The following DDAH1 variants were observed in gnomAD, a reference collection of about 807,000 sequenced individuals.
DDAH1 encodes dimethylarginine dimethylaminohydrolase 1.
In DDAH1, 19 loss-of-function variants were observed where a neutral mutation model predicts 28.8. The ratio of observed to expected loss-of-function variants is 0.66; its 90% CI spans 0.46 to 0.97. DDAH1 has a LOEUF of 0.97. DDAH1 is among the 50% of genes least tolerant of loss of function. DDAH1 has a pLI of 0.00. For synonymous variants in DDAH1, 153 were observed against 154.4 expected, an observed-to-expected ratio of 0.99 and a Z score of 0.07; for missense variants, 326 against 375.9, an observed-to-expected ratio of 0.87 and a Z score of 1.10.
chr1:85,496,250 G>C (rs910000965), exon 2 of DDAH1: 15 of 984,788 alleles, frequency 1.5e-5, no homozygotes, highest in African/African-American at 1.7e-5. Flanking sequence ...CTTGGCCAAA[G>C]TTACCAGAGC....
intron 1 of DDAH1, among the ~76,000 whole-genome samples, chr1:85,395,327 A>C (rs947677867): frequency 5.9e-5 from 9 of 152,216 alleles, no homozygotes; most frequent in Non-Finnish European, 1.3e-4. Flanking sequence ...AAGATGAGGG[A>C]AAAAGAAAAG....
chr1:85,473,884 A>AC (rs1394966531), intron 2 of DDAH1, among the ~76,000 whole-genome samples: 1 of 152,040 alleles, frequency 6.6e-6, no homozygotes. Flanking sequence ...GACTTCAAAT[A>AC]CACCCCAGTG....
At chr1:85,380,637 T>C (rs1650936331) in intron 1 of DDAH1, 1 of 152,214 alleles carries the variant, frequency 6.6e-6, no homozygotes, top group South Asian at 2.1e-4. Flanking sequence ...GTCTCTTATT[T>C]ACAATTCTGA....
intron 1 of DDAH1, among the ~76,000 whole-genome samples, chr1:85,515,241 C>T (rs1182040712): frequency 8.0e-5 from 12 of 150,764 alleles, no homozygotes; most frequent in South Asian, 2.1e-4. Flanking sequence ...AAAAAAATTA[C>T]GAGTGTTTTT....
At chr1:85,414,429 C>G (rs1363477503) in intron 1 of DDAH1, among the ~76,000 whole-genome samples, 4 of 151,660 alleles carry the variant, frequency 2.6e-5, no homozygotes, top group African/African-American at 9.8e-5. Flanking sequence ...AAGGATCTGA[C>G]CACGTTAAAA....
At chr1:85,350,266 G>T in intron 4 of DDAH1, 149 bp downstream of exon 4, 2 of 970,646 alleles carry the variant, frequency 2.1e-6, no homozygotes, top group Non-Finnish European at 3.0e-6. Context: ...ATGAATGTGA[G>T]GTCACAACAG....
chr1:85,466,578 G>A (rs1655389821), upstream of DDAH1, among the ~76,000 whole-genome samples: 1 of 152,142 alleles, frequency 6.6e-6, no homozygotes, highest in South Asian at 2.1e-4. Flanking sequence ...GGACAGCTCT[G>A]ACACTGACAT....
intron 4 of DDAH1, among the ~76,000 whole-genome samples, chr1:85,332,809 G>A (rs1283503761): frequency 6.6e-6 from 1 of 152,190 alleles, no homozygotes; most frequent in Non-Finnish European, 1.5e-5. Flanking sequence ...CAATACTCCT[G>A]GAACTTGAGA....
At chr1:85,480,534 C>T (rs1655972004) in intron 2 of DDAH1, among the ~76,000 whole-genome samples, 2 of 152,088 alleles carry the variant, frequency 1.3e-5, no homozygotes, top group African/African-American at 2.4e-5. Context: ...CACCTGAGGA[C>T]AGGAGTTTGA....
At chr1:85,358,654 A>G in intron 2 of DDAH1, 94 bp downstream of exon 2, 1 of 1,041,118 alleles carries the variant, frequency 9.6e-7, no homozygotes, top group Non-Finnish European at 1.4e-6. Context: ...CTCAAAAACA[A>G]AAACAAAAAA....
chr1:85,336,183 T>C (rs1648107414), intron 4 of DDAH1, among the ~76,000 whole-genome samples: 2 of 152,040 alleles, frequency 1.3e-5, no homozygotes, highest in South Asian at 4.1e-4. Context: ...TTTCATCCAA[T>C]AGCTGCAGAA....
chr1:85,483,954 A>G (rs1006101279), intron 2 of DDAH1, among the ~76,000 whole-genome samples: 2 of 152,206 alleles, frequency 1.3e-5, no homozygotes, highest in Non-Finnish European at 2.9e-5. Context: ...TCTTAAAGAC[A>G]TGGTGCCTAA....
intron 1 of DDAH1, among the ~76,000 whole-genome samples, chr1:85,366,468 T>C (rs1650081491): frequency 6.6e-6 from 1 of 152,106 alleles, no homozygotes; most frequent in African/African-American, 2.4e-5. Context: ...AACCAAGATA[T>C]TTAGCATTTT....
chr1:85,329,445 C>A (rs1223745579), intron 4 of DDAH1, among the ~76,000 whole-genome samples: 4 of 152,164 alleles, frequency 2.6e-5, no homozygotes, highest in Non-Finnish European at 4.4e-5. Context: ...AATGCTTCTT[C>A]CTTTTCTGAG....
intron 1 of DDAH1, among the ~76,000 whole-genome samples, chr1:85,518,372 A>C (rs577622919): frequency 1.3e-5 from 2 of 152,326 alleles, no homozygotes; most frequent in African/African-American, 4.8e-5. Flanking sequence ...GTACAGTCTA[A>C]GAGAAAATCC....
intron 1 of DDAH1, among the ~76,000 whole-genome samples, chr1:85,407,891 C>T (rs538439496): frequency 3.3e-5 from 5 of 152,302 alleles, no homozygotes; most frequent in African/African-American, 4.8e-5. Flanking sequence ...CTTTTGGTTA[C>T]ATCTATCATT....
At chr1:85,441,530 A>AC (rs1654193901) in intron 1 of DDAH1, among the ~76,000 whole-genome samples, 1 of 96,320 alleles carries the variant, frequency 1.0e-5, no homozygotes, top group Non-Finnish European at 2.2e-5. Context: ...ACAGAGTAAG[A>AC]CCCCATCTCA....
intron 1 of DDAH1, among the ~76,000 whole-genome samples, chr1:85,421,296 G>T (rs959975067): frequency 2.6e-5 from 4 of 152,118 alleles, no homozygotes; most frequent in Non-Finnish European, 5.9e-5. Context: ...TTTTTGTGTT[G>T]TATCTTTTGT....
At chr1:85,398,483 G>C (rs1338160941) in intron 1 of DDAH1, 1 of 152,058 alleles carries the variant, frequency 6.6e-6, no homozygotes, top group Non-Finnish European at 1.5e-5. Context: ...AATTCTTTTA[G>C]TGCACTACCT....
Sources: gnomAD v4.1 joint callset for allele counts (sites outside exome capture counted in the v4.1 genomes callset) on GRCh38, gnomAD v4.1.1 for gene constraint, MANE v1.5 for transcripts, NCBI Gene and HGNC (gene_info 2026-07-23, HGNC 2026-07-21) for gene names.